Variants in ALDH1L1 observed in about 807,000 individuals in gnomAD.
The protein encoded by ALDH1L1 is cytosolic 10-formyltetrahydrofolate dehydrogenase.
ALDH1L1 carries 68 observed loss-of-function variants against 101.1 expected under a neutral mutation model. The observed-to-expected ratio is 0.67, with a 90% CI of 0.55 to 0.82. The LOEUF (loss-of-function observed/expected upper bound fraction) is 0.82, where lower values mean the gene tolerates loss of function less well. ALDH1L1 is among the 40% of genes least tolerant of loss of function. The probability of loss-of-function intolerance (pLI) is 0.00; values close to 1 mark genes in which losing one functional copy is unlikely to be tolerated. For missense variants in ALDH1L1, 1,087 were observed against 1,172.7 expected (o/e 0.93, Z 1.07); for synonymous variants, 486 against 470.8 (o/e 1.03, Z -0.42).
At chr3:126,170,972 T>G (rs1386220208) in intron 1 of ALDH1L1, among the ~76,000 whole-genome samples, 1 of 152,156 alleles carries the variant, frequency 6.6e-6, no homozygotes, top group Non-Finnish European at 1.5e-5. Context: ...GCACATTCCC[T>G]TTCCTTCAGG....
chr3:126,119,072 T>C (rs1481088175), intron 16 of ALDH1L1, among the ~76,000 whole-genome samples: 1 of 152,198 alleles, frequency 6.6e-6, no homozygotes, highest in Non-Finnish European at 1.5e-5. Context: ...CTTACTTCTC[T>C]GACGGCTCTT....
At chr3:126,106,939 G>C (rs1203137487) in intron 21 of ALDH1L1, among the ~76,000 whole-genome samples, 1 of 152,204 alleles carries the variant, frequency 6.6e-6, no homozygotes, top group East Asian at 1.9e-4. Flanking sequence ...CTCACAGGGG[G>C]GACTCAAAGC....
At chr3:126,146,125 A>G (rs1252115704) in intron 9 of ALDH1L1, among the ~76,000 whole-genome samples, 2 of 152,190 alleles carry the variant, frequency 1.3e-5, no homozygotes, top group Non-Finnish European at 2.9e-5. Flanking sequence ...ACTGGTCACA[A>G]TGCCCACCCC....
Position 126,153,580 on chromosome 3 carries a change from T to A in ALDH1L1, c.722A>T (p.Lys241Ile), listed in dbSNP as rs774823443. The A allele has an allele frequency of 3.1e-6, 5 of 1,611,318 alleles. No individual in the cohort carries two copies. The highest frequency in any genetic ancestry group is 4.2e-6 in the Non-Finnish European group (5 of 1,178,302). Reference sequence around the variant, plus strand: ...CAGCGTTGAGTTGAAAAATGTCAGTTTCTGTCAAGGGGAGAAATATCAGAA... The same window carrying A: ...CAGCGTTGAGTTGAAAAATGTCAGTATCTGTCAAGGGGAGAAATATCAGAA... ...PGAWTEACEQ[K>I]LTFFNSTLNT... Residue 241 changes from lysine to isoleucine, a missense_variant and splice_region_variant, in exon 7 of 23, where the codon AAA (lysine) becomes ATA (isoleucine). Transcript: ENST00000393434.
intron 16 of ALDH1L1, among the ~76,000 whole-genome samples, chr3:126,119,556 A>G (rs771266331): frequency 6.6e-6 from 1 of 152,118 alleles, no homozygotes; most frequent in Non-Finnish European, 1.5e-5. Flanking sequence ...GGCTTGTAAA[A>G]TTCACATGCC....
intron 2 of ALDH1L1, among the ~76,000 whole-genome samples, chr3:126,159,222 GCACACA>G (rs143177704): frequency 2.2e-4 from 33 of 147,898 alleles, no homozygotes; most frequent in African/African-American, 8.2e-4. Context: ...ACACATGCGT[GCACACA>G]CACACACACA....
Position 126,125,639 on chromosome 3 carries a change from T to G in ALDH1L1, c.1777A>C (p.Thr593Pro), listed in dbSNP as rs1361727354. Residue 593 changes from threonine (T) to proline (P), a missense_variant, in exon 15 of 23, where the codon ACA becomes CCA. Thr to Pro is a conservative substitution (Grantham distance 38, BLOSUM62 -1). This residue lies in a region of ALDH1L1 where 442 missense variants were observed against 535.7 expected (regional missense o/e 0.83). Coordinates refer to ENST00000393434, the MANE Select transcript of ALDH1L1 (RefSeq NM_012190.4). ...KTAACLAAGN[T>P]VVIKPAQVTP... ...ACCTGAGCAGGCTTGATCACCACTG[T>G]GTTCCCGGCAGCCAGGCAGGCAGCT... The G allele has an allele frequency of 3.1e-6, 5 of 1,597,310 alleles. No individual in the cohort carries two copies. The highest frequency in any genetic ancestry group is 4.3e-6 in the Non-Finnish European group (5 of 1,171,074).
At chr3:126,117,651 C>CAA (rs75273825) in intron 17 of ALDH1L1, among the ~76,000 whole-genome samples, 2 of 137,680 alleles carry the variant, frequency 1.5e-5, no homozygotes, top group Admixed American at 7.4e-5. Context: ...GACCCTGTCT[C>CAA]AAAAAAAAAA....
In ALDH1L1 at chr3:126,115,487, CTTTTT is replaced by C. The variant is rs35580198; in HGVS notation, c.1983-836_1983-832del. ...CTGCTCAGAGCTCTGCTTTGCTCTT[CTTTTT>C]TTTTTTTTTTTAATAAATTTTACTG... On this transcript the variant is annotated intron_variant, in intron 17 of 22. Transcript: ENST00000393434. 5 of 141,960 alleles carry C rather than the reference CTTTTT, an allele frequency of 3.5e-5. No homozygotes were observed. The South Asian group carries it at 1.1e-3, about 31-fold the overall frequency. The allele number at this position is 141,960 out of a possible 1,614,324, so 8.8% of individuals were successfully genotyped here.
chr3:126,182,475 C>CT (rs1251412587), upstream of ALDH1L1, among the ~76,000 whole-genome samples: 1 of 152,152 alleles, frequency 6.6e-6, no homozygotes, highest in African/African-American at 2.4e-5. Flanking sequence ...TTTATCACTG[C>CT]TTCTGGGATT....
intron 1 of ALDH1L1, among the ~76,000 whole-genome samples, chr3:126,170,837 T>G (rs2081259033): frequency 1.3e-5 from 2 of 152,054 alleles, no homozygotes; most frequent in South Asian, 4.2e-4. Flanking sequence ...GAGCAGACAG[T>G]AAAACACGGA....
rs371755727 is a variant in ALDH1L1 at position 126,154,522 on chromosome 3, C to T, written c.720+32G>A. 18 of 1,602,626 alleles carry T rather than the reference C, an allele frequency of 1.1e-5. No homozygotes were observed. In the African/African-American group the frequency reaches 1.6e-4, roughly 14 times the overall value. ...ATGGCCAGTGGGATACACCAATGCA[C>T]GTGGCTGGATTCCAGCCATGCAGGG... is the stretch of plus-strand genomic sequence containing the variant. On this transcript the variant is annotated intron_variant, in intron 6 of 22. Coordinates refer to ENST00000393434, the MANE Select transcript of ALDH1L1 (RefSeq NM_012190.4).
In ALDH1L1 at chr3:126,150,839, T is replaced by A. The variant is rs569866254; in HGVS notation, c.859-308A>T. On this transcript the variant is annotated intron_variant, in intron 7 of 22. Coordinates refer to ENST00000393434, the MANE Select transcript of ALDH1L1 (RefSeq NM_012190.4). ...TCCCAAAGTGCTGGGATTACAGGCA[T>A]GAGCCACTGCGCCCGGCCAAAAGGA... The A allele has an allele frequency of 1.5e-3, 410 of 267,048 alleles. 3 individuals carry two copies. Among genetic ancestry groups the A allele is most frequent in the African/African-American group, 8.9e-3 (396 of 44,354 alleles). 16.5% of individuals were successfully genotyped at this position (267,048 alleles called of 1,614,324 possible).
chr3:126,177,727 T>C (rs1298020312), intron 1 of ALDH1L1, among the ~76,000 whole-genome samples: 1 of 152,208 alleles, frequency 6.6e-6, no homozygotes, highest in Non-Finnish European at 1.5e-5. Flanking sequence ...TAACATTGCA[T>C]CGATATTGGC....
At chr3:126,118,966 G>C (rs2080028618) in intron 16 of ALDH1L1, among the ~76,000 whole-genome samples, 1 of 152,074 alleles carries the variant, frequency 6.6e-6, no homozygotes, top group East Asian at 1.9e-4. Context: ...TTCAGAGTGG[G>C]CTCCCTGACG....
chr3:126,124,525 T>G, intron 15 of ALDH1L1, 74 bp from the exon 16 acceptor site: 1 of 1,236,848 alleles, frequency 8.1e-7, no homozygotes, highest in Non-Finnish European at 1.2e-6. Flanking sequence ...CCTCCCCGCC[T>G]TCCTCTCCCA....
intron 1 of ALDH1L1, among the ~76,000 whole-genome samples, chr3:126,167,666 C>G (rs1192305341): frequency 6.6e-6 from 1 of 151,886 alleles, no homozygotes; most frequent in African/African-American, 2.4e-5. Context: ...GCTACCCAGC[C>G]TTGCCTTTAG....
chr3:126,171,401 C>T (rs1159285456), intron 1 of ALDH1L1, among the ~76,000 whole-genome samples: 1 of 152,164 alleles, frequency 6.6e-6, no homozygotes, highest in Non-Finnish European at 1.5e-5. Context: ...AACAAAGAGA[C>T]ACAGAAGCAG....
At chr3:126,141,563 T>A (rs188090162) in intron 9 of ALDH1L1, among the ~76,000 whole-genome samples, 1 of 151,914 alleles carries the variant, frequency 6.6e-6, no homozygotes, top group East Asian at 1.9e-4. Context: ...ATCTGGAAAA[T>A]CCATAAAGAT....
Sources: allele counts gnomAD v4.1 joint callset (sites outside exome capture counted in the v4.1 genomes callset), GRCh38; gene constraint gnomAD v4.1.1; regional missense constraint gnomAD v4.1.1; transcripts MANE v1.5; gene names NCBI Gene and HGNC (gene_info 2026-07-23, HGNC 2026-07-21).